The following MAF variants were observed in gnomAD, a reference collection of about 807,000 sequenced individuals.
The protein encoded by MAF is MAF bZIP transcription factor, also known as transcription factor Maf.
In MAF, 10 loss-of-function variants were observed where a neutral mutation model predicts 22.0. The observed-to-expected ratio is 0.45, with a 90% CI of 0.28 to 0.77. The LOEUF (loss-of-function observed/expected upper bound fraction) is 0.77. Ranked by LOEUF, MAF falls within the 30% of genes least tolerant of loss-of-function variation. The pLI is 0.12. For missense variants in MAF, 544 were observed against 548.4 expected, an observed-to-expected ratio of 0.99 and a Z score of 0.08; for synonymous variants, 337 against 255.8, an observed-to-expected ratio of 1.32 and a Z score of -3.03.
chr16:79,569,296 C>G, the MAF span, among the ~76,000 whole-genome samples: 1 of 152,170 alleles, frequency 6.6e-6, no homozygotes. Context: ...TGAGTCTTGG[C>G]AACCAAAAAT....
chr16:79,260,517 GT>G, the MAF span, among the ~76,000 whole-genome samples: 1 of 76,984 alleles, frequency 1.3e-5, no homozygotes, highest in Non-Finnish European at 3.2e-5. Context: ...ATATTTGTCT[GT>G]TTTACCACTA....
At chr16:79,217,778 C>G in the MAF span, among the ~76,000 whole-genome samples, 1 of 151,972 alleles carries the variant, frequency 6.6e-6, no homozygotes, top group Non-Finnish European at 1.5e-5. Context: ...CAATAGGAAA[C>G]AAGAAATTGA....
the MAF span, among the ~76,000 whole-genome samples, chr16:79,569,446 T>C: frequency 6.6e-6 from 1 of 152,206 alleles, no homozygotes; most frequent in African/African-American, 2.4e-5. Flanking sequence ...ATCAGATTGT[T>C]TTCCAAATCC....
chr16:79,393,960 T>A, the MAF span, among the ~76,000 whole-genome samples: 1 of 152,172 alleles, frequency 6.6e-6, no homozygotes. Context: ...GCAAAGAACA[T>A]TGTATGTATT....
the MAF span, among the ~76,000 whole-genome samples, chr16:79,484,997 G>A: frequency 6.6e-6 from 1 of 152,202 alleles, no homozygotes; most frequent in Non-Finnish European, 1.5e-5. Flanking sequence ...CAACTTTCCT[G>A]CCTCAATTTA....
chr16:79,597,231 A>C, intron 1 of MAF: 2 of 1,051,490 alleles, frequency 1.9e-6, no homozygotes, highest in Non-Finnish European at 2.3e-6. Flanking sequence ...AACTCTTTCA[A>C]ATTTATCTAT....
At chr16:79,225,179 AC>A in the MAF span, among the ~76,000 whole-genome samples, 2 of 152,208 alleles carry the variant, frequency 1.3e-5, no homozygotes, top group Non-Finnish European at 2.9e-5. Context: ...GATTAATGGA[AC>A]AGAACAAAGG....
At chr16:79,356,473 T>C in the MAF span, among the ~76,000 whole-genome samples, 1 of 152,112 alleles carries the variant, frequency 6.6e-6, no homozygotes, top group Admixed American at 6.6e-5. Flanking sequence ...GCTTGAGGCT[T>C]TCTCCCTGCC....
the MAF span, among the ~76,000 whole-genome samples, chr16:79,416,259 T>C: frequency 1.3e-5 from 2 of 152,172 alleles, no homozygotes; most frequent in Non-Finnish European, 2.9e-5. Context: ...GATGGAGTTC[T>C]TGGGGATTGA....
chr16:79,253,082 C>G, the MAF span, among the ~76,000 whole-genome samples: 2 of 152,282 alleles, frequency 1.3e-5, no homozygotes, highest in Middle Eastern at 3.4e-3. Context: ...ATGGTGGTCA[C>G]CCTCACCTAT....
At chr16:79,435,521 C>T in the MAF span, among the ~76,000 whole-genome samples, 2 of 152,174 alleles carry the variant, frequency 1.3e-5, no homozygotes, top group Admixed American at 6.5e-5. Context: ...GTCATTCATG[C>T]CTTACAACCA....
the MAF span, among the ~76,000 whole-genome samples, chr16:79,313,991 C>T: frequency 3.3e-5 from 5 of 152,152 alleles, no homozygotes; most frequent in South Asian, 2.1e-4. Context: ...AAAACTATGG[C>T]GTTGGAATAC....
the MAF span, among the ~76,000 whole-genome samples, chr16:79,361,376 T>G: frequency 6.6e-6 from 1 of 152,164 alleles, no homozygotes; most frequent in South Asian, 2.1e-4. Flanking sequence ...TGAAGCAAGG[T>G]GCCTGGGTTG....
chr16:79,432,558 A>G, the MAF span, among the ~76,000 whole-genome samples: 3 of 152,170 alleles, frequency 2.0e-5, no homozygotes, highest in African/African-American at 7.2e-5. Flanking sequence ...TTTTTGTACC[A>G]CAGTAACTGA....
chr16:79,460,298 G>C, the MAF span, among the ~76,000 whole-genome samples: 1 of 152,122 alleles, frequency 6.6e-6, no homozygotes, highest in African/African-American at 2.4e-5. Flanking sequence ...AGATGTAAAA[G>C]ATCTCATGTA....
At chr16:79,286,505 T>G in the MAF span, among the ~76,000 whole-genome samples, 1 of 152,204 alleles carries the variant, frequency 6.6e-6, no homozygotes, top group Non-Finnish European at 1.5e-5. Flanking sequence ...TCATCTTCAC[T>G]CACACATTTA....
the MAF span, among the ~76,000 whole-genome samples, chr16:79,503,412 TA>T: frequency 1.4e-4 from 22 of 152,336 alleles, no homozygotes; most frequent in East Asian, 3.3e-3. Flanking sequence ...TTTTGATAAT[TA>T]AAAAAGTTTA....
the MAF span, among the ~76,000 whole-genome samples, chr16:79,466,685 A>G: frequency 6.6e-5 from 10 of 152,242 alleles, no homozygotes; most frequent in Non-Finnish European, 1.2e-4. Context: ...GCTTGACAGC[A>G]AAAACCTTAA....
chr16:79,419,158 G>A, the MAF span, among the ~76,000 whole-genome samples: 1 of 152,182 alleles, frequency 6.6e-6, no homozygotes, highest in Non-Finnish European at 1.5e-5. Context: ...AGGTGTGCTG[G>A]CCAGGTAAGG....
Sources: allele counts gnomAD v4.1 joint callset (sites outside exome capture counted in the v4.1 genomes callset), GRCh38; gene constraint gnomAD v4.1.1; transcripts MANE v1.5; gene names NCBI Gene and HGNC (gene_info 2026-07-23, HGNC 2026-07-21).